Variants in INSL6 observed in about 807,000 individuals in gnomAD.
INSL6 encodes insulin-like peptide INSL6.
A neutral mutation model predicts 9.4 loss-of-function variants in INSL6; 16 were observed. The observed-to-expected ratio is 1.70, with a 90% CI of 1.15 to 2.59. The LOEUF (loss-of-function observed/expected upper bound fraction) is 2.59, where lower values mean the gene tolerates loss of function less well. Ranked by LOEUF, INSL6 falls within the 30% of genes most tolerant of loss-of-function variation. The probability of loss-of-function intolerance (pLI) is 0.00; values close to 1 mark genes in which losing one functional copy is unlikely to be tolerated. For synonymous variants in INSL6, 154 were observed against 96.9 expected (o/e 1.59, Z -3.46); for missense variants, 391 against 257.3 (o/e 1.52, Z -3.56).
At chr9:5,095,623 C>A in the INSL6 span, among the ~76,000 whole-genome samples, 1 of 152,050 alleles carries the variant, frequency 6.6e-6, no homozygotes, top group Admixed American at 6.5e-5. Flanking sequence ...CCTCACATGA[C>A]AAAAACTAGC....
At chr9:5,050,648 CTT>C in the INSL6 span, 1 of 1,578,708 alleles carries the variant, frequency 6.3e-7, no homozygotes, top group Non-Finnish European at 8.7e-7. Flanking sequence ...GATAATGAAA[CTT>C]ACGATGAGAT....
chr9:5,160,979 C>T (rs775242081), downstream of INSL6, among the ~76,000 whole-genome samples: 10 of 152,060 alleles, frequency 6.6e-5, no homozygotes, highest in African/African-American at 2.2e-4. Context: ...AGCTCAGGAC[C>T]GATAGTTTCA....
intron 2 of INSL6, among the ~76,000 whole-genome samples, chr9:5,139,024 CAT>C (rs1205488231): frequency 4.6e-5 from 7 of 151,954 alleles, no homozygotes; most frequent in Non-Finnish European, 7.4e-5. Context: ...CTATTAAAAC[CAT>C]ATGTTATATT....
intron 3 of INSL6, chr9:5,132,876 A>T (rs938415851): frequency 5.3e-5 from 8 of 152,244 alleles, no homozygotes; most frequent in African/African-American, 1.9e-4. Context: ...TTAGAAGATT[A>T]CAACTTTCAG....
chr9:4,995,303 G>C, the INSL6 span, among the ~76,000 whole-genome samples: 1 of 152,100 alleles, frequency 6.6e-6, no homozygotes, highest in Non-Finnish European at 1.5e-5. Context: ...GTTTTCCCTA[G>C]GTTGTCTCTT....
chr9:5,044,505 T>G, the INSL6 span: 1 of 1,592,548 alleles, frequency 6.3e-7, no homozygotes, highest in East Asian at 2.2e-5. Context: ...TTGTCATGTC[T>G]TACCTCTTTG....
the INSL6 span, among the ~76,000 whole-genome samples, chr9:5,118,633 C>A: frequency 3.9e-5 from 6 of 152,084 alleles, no homozygotes; most frequent in Non-Finnish European, 7.4e-5. Context: ...AGCATAAATT[C>A]TGTGTTCATT....
intron 2 of INSL6, among the ~76,000 whole-genome samples, chr9:5,157,062 A>T (rs943885591): frequency 2.0e-5 from 3 of 152,106 alleles, no homozygotes; most frequent in Non-Finnish European, 4.4e-5. Context: ...ATTTAACAAC[A>T]TATGTATTAT....
the INSL6 span, among the ~76,000 whole-genome samples, chr9:5,017,383 C>T: frequency 6.6e-6 from 1 of 152,196 alleles, no homozygotes; most frequent in Non-Finnish European, 1.5e-5. Context: ...CAAATTTACT[C>T]CTTAATGCTA....
chr9:5,042,305 T>A, the INSL6 span, among the ~76,000 whole-genome samples: 1 of 149,894 alleles, frequency 6.7e-6, no homozygotes, highest in Non-Finnish European at 1.5e-5. Flanking sequence ...GCCCGGCTAA[T>A]TTTTTGTATT....
the INSL6 span, chr9:5,114,774 G>T: frequency 4.7e-3 from 1,517 of 319,674 alleles, 20 homozygotes; most frequent in African/African-American, 0.026. Flanking sequence ...CTCACAGACC[G>T]TCAAGTAACT....
the INSL6 span, among the ~76,000 whole-genome samples, chr9:5,009,730 T>C: frequency 6.6e-6 from 1 of 152,150 alleles, no homozygotes; most frequent in Non-Finnish European, 1.5e-5. Flanking sequence ...ACTGTTTTTA[T>C]GCTTATAGAT....
chr9:5,062,826 G>A, the INSL6 span, among the ~76,000 whole-genome samples: 904 of 152,206 alleles, frequency 5.9e-3, 9 homozygotes, highest in African/African-American at 0.02. Flanking sequence ...CTGAGATTGA[G>A]CAATACCTCA....
At chr9:5,065,136 A>T in the INSL6 span, 1 of 744,414 alleles carries the variant, frequency 1.3e-6, no homozygotes, top group Non-Finnish European at 1.9e-6. Flanking sequence ...TTTAGAAAAA[A>T]ATAATTTGAC....
At chr9:5,150,506 A>G (rs957852031) in intron 2 of INSL6, among the ~76,000 whole-genome samples, 7 of 152,214 alleles carry the variant, frequency 4.6e-5, no homozygotes, top group African/African-American at 1.7e-4. Context: ...GAGAAAAACA[A>G]GTTGAAACTA....
chr9:5,083,827 T>C, the INSL6 span, among the ~76,000 whole-genome samples: 18 of 152,238 alleles, frequency 1.2e-4, no homozygotes, highest in East Asian at 3.1e-3. Flanking sequence ...TATAGAGAAA[T>C]TGGAAAATAT....
At chr9:5,106,866 A>G in the INSL6 span, among the ~76,000 whole-genome samples, 7 of 152,258 alleles carry the variant, frequency 4.6e-5, no homozygotes, top group African/African-American at 1.7e-4. Flanking sequence ...ACTTGGACAC[A>G]TGGCAGGGAA....
chr9:5,062,679 G>A, the INSL6 span, among the ~76,000 whole-genome samples: 1 of 151,998 alleles, frequency 6.6e-6, no homozygotes, highest in Non-Finnish European at 1.5e-5. Context: ...CTTCTCAAAA[G>A]GTGTTTCCAA....
chr9:4,992,758 G>C, the INSL6 span, among the ~76,000 whole-genome samples: 1 of 152,160 alleles, frequency 6.6e-6, no homozygotes, highest in Admixed American at 6.5e-5. Context: ...TTACAAAATG[G>C]AAAAGGCACA....
Sources: gnomAD v4.1 joint callset for allele counts (sites outside exome capture counted in the v4.1 genomes callset) on GRCh38, gnomAD v4.1.1 for gene constraint, MANE v1.5 for transcripts, NCBI Gene and HGNC (gene_info 2026-07-23, HGNC 2026-07-21) for gene names.